The following MTA1 variants were observed in gnomAD, a reference collection of about 807,000 sequenced individuals.
MTA1 encodes metastasis associated 1, also known as metastasis-associated protein MTA1.
In MTA1, 15 loss-of-function variants were observed where a neutral mutation model predicts 97.0. The observed-to-expected ratio is 0.15, with a 90% CI of 0.10 to 0.24. The LOEUF (loss-of-function observed/expected upper bound fraction) is 0.24. MTA1 is among the 10% of genes least tolerant of loss of function. The pLI, the probability that MTA1 is intolerant of heterozygous loss-of-function variation, is 1.00. For synonymous variants in MTA1, 435 were observed against 417.5 expected, an observed-to-expected ratio of 1.04 and a Z score of -0.51; for missense variants, 709 against 1,015.1, an observed-to-expected ratio of 0.70 and a Z score of 4.10.
In MTA1 at chr14:105,458,384, TCCTGGGCAAGGCCAGCAGGGGTGGTG is replaced by T. The variant is rs781799538; in HGVS notation, c.653+18_653+43del. On this transcript the variant is annotated intron_variant, in intron 8 of 20. Transcript: ENST00000331320. ...CTGGTGGTGGCCCGGTGAGTCCTGCTCCTGGGCAAGGCCAGCAGGGGTGGTGCCTGGAGCTTCTGTTCTCCCTTCCC... is the reference window on the plus strand; with the variant it reads ...CTGGTGGTGGCCCGGTGAGTCCTGCTCCTGGAGCTTCTGTTCTCCCTTCCC... 1.9e-6 allele frequency: 3 copies of T among 1,611,194 alleles called. No individual in the cohort carries two copies. Among genetic ancestry groups the T allele is most frequent in the Non-Finnish European group, 8.5e-7 (1 of 1,178,810 alleles).
chr14:105,460,613 C>A, intron 9 of MTA1, 152 bp from the exon 10 acceptor site: 1 of 1,191,522 alleles, frequency 8.4e-7, no homozygotes, highest in Non-Finnish European at 1.1e-6. Context: ...CTATCCACCC[C>A]AAACTCGGCC....
rs141465452 is a variant in MTA1, at chr14:105,424,894, A to T, written c.28+4831A>T. ...GTTGGAATATATGGTCCAATGAAGC[A>T]CATCCCTCGCGCCCGACCCGCCCTG... On this transcript the variant is annotated intron_variant, in intron 1 of 20. Transcript: ENST00000331320. This position sits in a 1 kb window ranked among gnomAD's most constrained non-coding sequence, Gnocchi z 4.0. Among the ~76,000 whole-genome samples the T allele has an allele frequency of 6.2e-4, 94 of 152,382 alleles. No homozygotes were observed. Among genetic ancestry groups the T allele is most frequent in the African/African-American group, 2.2e-3 (92 of 41,602 alleles).
chr14:105,429,743 G>A (rs12897909), intron 1 of MTA1, among the ~76,000 whole-genome samples: 86,983 of 131,058 alleles, frequency 0.66, 31,198 homozygotes, highest in Non-Finnish European at 0.82. Context: ...GTGAGCCACT[G>A]CGCCCGGCCT....
Position 105,464,703 on chromosome 14 carries a change from C to T in MTA1, c.1374C>T (p.Ser458=), listed in dbSNP as rs1400039158. ...MSPHGLPARS[S]GSPKFAMKTR... ...CCCACGGCCTCCCAGCCCGGAGCAGCGGGAGCCCCAAGTTTGCCATGAAGA... is the reference window on the plus strand; with the variant it reads ...CCCACGGCCTCCCAGCCCGGAGCAGTGGGAGCCCCAAGTTTGCCATGAAGA... The change falls in exon 15 of 21, where the codon AGC becomes AGT. Residue 458 remains serine (S), a synonymous_variant. Transcript: ENST00000331320. 3 of 1,605,628 alleles carry T rather than the reference C, an allele frequency of 1.9e-6. No homozygotes were observed. Among genetic ancestry groups the T allele is most frequent in the Admixed American group, 1.7e-5 (1 of 59,634 alleles).
At chr14:105,421,249 C>G (rs1474710399) in intron 1 of MTA1, among the ~76,000 whole-genome samples, 2 of 152,196 alleles carry the variant, frequency 1.3e-5, no homozygotes, top group African/African-American at 4.8e-5. Flanking sequence ...CCTCATACAG[C>G]TTTGCCAGGT....
intron 3 of MTA1, 114 bp downstream of exon 3, chr14:105,445,625 C>G: frequency 9.6e-7 from 1 of 1,040,158 alleles, no homozygotes; most frequent in Non-Finnish European, 1.5e-6. Context: ...GGGCCACCCT[C>G]TGCCCAACTC....
chr14:105,463,317 C>A lies in MTA1; in HGVS notation c.1017+59C>A. 6.3e-7 allele frequency: 1 copy of A among 1,586,176 alleles called. No individual in the cohort carries two copies. ...GCCGCCTCCCCGTCCTGCGCCCCATCCTCTCCCAGCAGGTGGGCGTGCACT... is the reference window on the plus strand; with the variant it reads ...GCCGCCTCCCCGTCCTGCGCCCCATACTCTCCCAGCAGGTGGGCGTGCACT... On this transcript the variant is annotated intron_variant, in intron 11 of 20. Transcript: ENST00000331320. This position sits in a 1 kb window ranked among gnomAD's most constrained non-coding sequence, Gnocchi z 5.9.
intron 10 of MTA1, 88 bp downstream of exon 10, chr14:105,461,041 G>A (rs587763689): frequency 1.2e-5 from 16 of 1,371,832 alleles, no homozygotes; most frequent in Non-Finnish European, 1.5e-5. Flanking sequence ...ATCCCACTCT[G>A]CCCTGAGGGA....
intron 6 of MTA1, among the ~76,000 whole-genome samples, chr14:105,451,241 C>G (rs778657353): frequency 1.3e-5 from 2 of 152,238 alleles, no homozygotes; most frequent in Non-Finnish European, 1.5e-5. Flanking sequence ...CAAGCTCAGC[C>G]CTGCACTACC....
Position 105,466,498 on chromosome 14 carries a change from C to T in MTA1, c.1697C>T (p.Ala566Val), listed in dbSNP as rs1244284784. The change falls in exon 17 of 21, where the codon GCC becomes GTC. Residue 566 changes from alanine to valine, a missense_variant. Physicochemically the swap from Ala to Val is moderately conservative, Grantham distance 64. Transcript: ENST00000331320. ...VSSVLSSLTP[A>V]KVAPVINNGS... is the part of the protein sequence containing the mutation. Reference sequence around the variant, plus strand: ...AGCGTGCTCAGCAGCCTGACGCCCGCCAAGGTGGCCCCCGTCATCAACAAC... The same window carrying T: ...AGCGTGCTCAGCAGCCTGACGCCCGTCAAGGTGGCCCCCGTCATCAACAAC... 9 of 1,597,668 alleles carry T rather than the reference C, an allele frequency of 5.6e-6. No homozygotes were observed. The highest frequency in any genetic ancestry group is 7.7e-6 in the Non-Finnish European group (9 of 1,173,078).
chr14:105,450,345 G>A (rs587684259), intron 6 of MTA1, 21 bp downstream of exon 6: 1 of 1,594,096 alleles, frequency 6.3e-7, no homozygotes, highest in East Asian at 2.3e-5. Context: ...GCCCGGCCTG[G>A]TCTGCCGCAG....
chr14:105,464,002 C>A (rs1477488799), intron 12 of MTA1, 30 bp from the exon 13 acceptor site: 10 of 1,608,280 alleles, frequency 6.2e-6, no homozygotes, highest in Non-Finnish European at 8.5e-6. Context: ...GCTCCTGCAA[C>A]TCCTCTCGTC....
chr14:105,431,683 T>C (rs587647681), intron 1 of MTA1, among the ~76,000 whole-genome samples: 64 of 152,356 alleles, frequency 4.2e-4, no homozygotes, highest in African/African-American at 1.5e-3. Context: ...AGCAGTGCAG[T>C]GGCGCAGTCT....
chr14:105,423,164 G>C (rs2081899926), intron 1 of MTA1, among the ~76,000 whole-genome samples: 1 of 145,908 alleles, frequency 6.9e-6, no homozygotes, highest in African/African-American at 2.5e-5. Context: ...GGGTGTTTCT[G>C]TTTTTCATTG....
At chr14:105,460,610 C>T (rs587673847) in intron 9 of MTA1, among the ~76,000 whole-genome samples, 153 bp downstream of exon 9, 1 of 152,308 alleles carries the variant, frequency 6.6e-6, no homozygotes, top group South Asian at 2.1e-4. Flanking sequence ...TTCCTATCCA[C>T]CCCAAACTCG....
intron 2 of MTA1, among the ~76,000 whole-genome samples, chr14:105,443,220 G>A (rs1555426241): frequency 6.6e-6 from 1 of 152,154 alleles, no homozygotes; most frequent in Admixed American, 6.5e-5. Context: ...AGAGCATGGT[G>A]GTCCCTGGGT....
rs1555431605 is a variant in MTA1, at chr14:105,463,680, G to A, written c.1076+129G>A. Reference sequence around the variant, plus strand: ...GGCTGGGAAAGTTGGGGCAGCCCCCGGGAGGGCGGCCCAGGGCTGGGGGGT... The same window carrying A: ...GGCTGGGAAAGTTGGGGCAGCCCCCAGGAGGGCGGCCCAGGGCTGGGGGGT... On this transcript the variant is annotated intron_variant, in intron 12 of 20. Transcript: ENST00000331320. The surrounding 1 kb of genome is among the most constrained non-coding windows in gnomAD (Gnocchi z 5.9). The A allele has an allele frequency of 2.3e-5, 21 of 927,822 alleles. No individual in the cohort carries two copies. The highest frequency in any genetic ancestry group is 1.5e-4 in the East Asian group (6 of 40,890). 57.5% of individuals were successfully genotyped at this position (927,822 alleles called of 1,614,324 possible). A position where few individuals can be genotyped will look rare whatever the true frequency, so the allele number is the denominator to read the frequency against.
intron 6 of MTA1, among the ~76,000 whole-genome samples, chr14:105,450,902 C>T (rs1265040019): frequency 6.6e-6 from 1 of 152,188 alleles, no homozygotes; most frequent in African/African-American, 2.4e-5. Context: ...GCTGTGAGAT[C>T]CAGCGAACGG....
intron 18 of MTA1, chr14:105,467,626 A>C: frequency 2.6e-6 from 1 of 379,322 alleles, no homozygotes; most frequent in Non-Finnish European, 5.3e-6. Flanking sequence ...CTTCCTCCCG[A>C]CATCCCTTGG....
Sources: allele counts gnomAD v4.1 joint callset (sites outside exome capture counted in the v4.1 genomes callset), GRCh38; gene constraint gnomAD v4.1.1; non-coding constraint Gnocchi (gnomAD v3.1); transcripts MANE v1.5; gene names NCBI Gene and HGNC (gene_info 2026-07-23, HGNC 2026-07-21).